Variants in LRRC7 observed in about 807,000 individuals in gnomAD.
LRRC7 encodes leucine-rich repeat-containing protein 7.
LRRC7 carries 23 observed loss-of-function variants against 175.7 expected under a neutral mutation model. The ratio of observed to expected loss-of-function variants is 0.13; its 90% CI spans 0.09 to 0.19. The LOEUF is 0.19. LRRC7 is among the 10% of genes least tolerant of loss of function. The probability of loss-of-function intolerance (pLI) is 1.00; values close to 1 mark genes in which losing one functional copy is unlikely to be tolerated. For missense variants in LRRC7, 1,354 were observed against 1,904.7 expected, an observed-to-expected ratio of 0.71 and a Z score of 5.38; for synonymous variants, 685 against 680.9, an observed-to-expected ratio of 1.01 and a Z score of -0.09.
At position 69,895,793 on chromosome 1, in the gene LRRC7, T is replaced by C. The variant is rs554863174; in HGVS notation, c.648-35714T>C. On this transcript the variant is annotated intron_variant, in intron 7 of 26. Coordinates refer to ENST00000651989, the MANE Select transcript of LRRC7 (RefSeq NM_001370785.2). ...GTTTTTATTGATGAATAATATTCCATTGTAGAAATATTCCATGGCTGTTTA... is the reference window on the plus strand; with the variant it reads ...GTTTTTATTGATGAATAATATTCCACTGTAGAAATATTCCATGGCTGTTTA... Among the ~76,000 whole-genome samples, 14 of 152,370 alleles carry C rather than the reference T, an allele frequency of 9.2e-5. No homozygotes were observed. The East Asian group carries it at 2.7e-3, about 29-fold the overall frequency.
intron 8 of LRRC7, among the ~76,000 whole-genome samples, chr1:69,960,135 CTATT>C (rs1047944719): frequency 6.6e-6 from 1 of 151,854 alleles, no homozygotes; most frequent in African/African-American, 2.4e-5. Flanking sequence ...GGGTTGGAGG[CTATT>C]TATTACTGTC....
At chr1:69,848,312 G>A (rs1682597820) in intron 7 of LRRC7, among the ~76,000 whole-genome samples, 1 of 152,018 alleles carries the variant, frequency 6.6e-6, no homozygotes, top group African/African-American at 2.4e-5. Context: ...GCTGAGCAGT[G>A]TGCTTTCCCT....
intron 8 of LRRC7, among the ~76,000 whole-genome samples, chr1:69,968,735 G>T (rs1441317596): frequency 3.9e-5 from 6 of 152,138 alleles, no homozygotes; most frequent in Admixed American, 6.5e-5. Flanking sequence ...AATGCTGAGA[G>T]AATTCACCAC....
At chr1:70,090,093 T>G (rs1026333438) in intron 25 of LRRC7, among the ~76,000 whole-genome samples, 1 of 152,122 alleles carries the variant, frequency 6.6e-6, no homozygotes, top group African/African-American at 2.4e-5. Flanking sequence ...TTTGTTTTTG[T>G]TTTTGCTCCA....
At position 70,135,510 on chromosome 1, in the gene LRRC7, G is replaced by C. The variant is rs1326893684; in HGVS notation, c.*13623G>C. On this transcript the variant is annotated 3_prime_UTR_variant, in exon 27 of 27. Transcript: ENST00000651989. ...GGAAGAGAAGAGAGCAGGAGAAGCT[G>C]TCACTTAAAATGCACTGAGATCCTT... Among the ~76,000 whole-genome samples, 2 of 152,148 alleles carry C rather than the reference G, an allele frequency of 1.3e-5. No homozygotes were observed. Among genetic ancestry groups the C allele is most frequent in the Non-Finnish European group, 2.9e-5 (2 of 68,024 alleles).
At chr1:70,011,715 G>A in intron 11 of LRRC7, 82 bp from the exon 12 acceptor site, 2 of 930,460 alleles carry the variant, frequency 2.1e-6, no homozygotes, top group South Asian at 3.0e-5. Context: ...TTTTGTTTTG[G>A]TGAATTTTGG....
chr1:69,838,616 T>C (rs944940785), intron 7 of LRRC7, among the ~76,000 whole-genome samples: 1 of 151,940 alleles, frequency 6.6e-6, no homozygotes, highest in African/African-American at 2.4e-5. Flanking sequence ...TTCAACCTAA[T>C]AGGATGCTTA....
chr1:69,744,838 A>AC (rs1669085883), intron 2 of LRRC7, among the ~76,000 whole-genome samples: 3 of 151,876 alleles, frequency 2.0e-5, no homozygotes, highest in Non-Finnish European at 4.4e-5. Context: ...TCATGCTATT[A>AC]TAAAAATACA....
At chr1:69,574,805 A>T (rs1175562282) in intron 1 of LRRC7, among the ~76,000 whole-genome samples, 1 of 152,126 alleles carries the variant, frequency 6.6e-6, no homozygotes, top group Non-Finnish European at 1.5e-5. Context: ...AATAGTTACT[A>T]TCCGGTGTTC....
chr1:69,888,607 G>A (rs531411915), intron 7 of LRRC7, among the ~76,000 whole-genome samples: 64 of 152,278 alleles, frequency 4.2e-4, no homozygotes, highest in African/African-American at 1.4e-3. Context: ...GCTGTATACC[G>A]GAGCTGTTCC....
intron 1 of LRRC7, among the ~76,000 whole-genome samples, chr1:69,638,862 T>A (rs976483476): frequency 6.6e-6 from 1 of 151,738 alleles, no homozygotes; most frequent in Non-Finnish European, 1.5e-5. Context: ...TATGGTGTAT[T>A]GTCTTGTTAT....
At chr1:69,781,565 C>G (rs1431065220) in intron 3 of LRRC7, among the ~76,000 whole-genome samples, 1 of 150,498 alleles carries the variant, frequency 6.6e-6, no homozygotes, top group Non-Finnish European at 1.5e-5. Context: ...AACTGTAATC[C>G]CAGCTACTTG....
At chr1:69,768,396 C>T (rs1218919465) in intron 3 of LRRC7, among the ~76,000 whole-genome samples, 1 of 152,146 alleles carries the variant, frequency 6.6e-6, no homozygotes, top group Non-Finnish European at 1.5e-5. Context: ...GCTCAAACAT[C>T]ACTGGAGAAG....
At chr1:69,722,590 T>C (rs1666482265) in intron 2 of LRRC7, among the ~76,000 whole-genome samples, 1 of 152,198 alleles carries the variant, frequency 6.6e-6, no homozygotes, top group Middle Eastern at 3.4e-3. Context: ...CAGGATTATA[T>C]ATTTAATATC....
In LRRC7 at chr1:70,125,368, T is replaced by A. The variant is rs928700343; in HGVS notation, c.*3481T>A. ...TTACCTTGGATCACGACCTTTGAGATGGAAAACAGCTTTGAGGAGAGACTG... is the reference window on the plus strand; with the variant it reads ...TTACCTTGGATCACGACCTTTGAGAAGGAAAACAGCTTTGAGGAGAGACTG... On this transcript the variant is annotated 3_prime_UTR_variant, in exon 27 of 27. Transcript: ENST00000651989. 6.6e-5 allele frequency among the ~76,000 whole-genome samples: 10 copies of A among 152,218 alleles called. No individual in the cohort carries two copies. Among genetic ancestry groups the A allele is most frequent in the Non-Finnish European group, 1.3e-4 (9 of 68,012 alleles).
intron 25 of LRRC7, among the ~76,000 whole-genome samples, chr1:70,091,514 G>C (rs1192969982): frequency 6.6e-6 from 1 of 151,992 alleles, no homozygotes; most frequent in Non-Finnish European, 1.5e-5. Flanking sequence ...TTTTTGGAAG[G>C]TACAGGGTAA....
At chr1:69,953,515 T>C (rs1411977040) in intron 8 of LRRC7, among the ~76,000 whole-genome samples, 1 of 151,976 alleles carries the variant, frequency 6.6e-6, no homozygotes, top group Non-Finnish European at 1.5e-5. Context: ...CCTCTACTGT[T>C]TGGTGAATAG....
chr1:69,840,248 T>G (rs1681577583), intron 7 of LRRC7, among the ~76,000 whole-genome samples: 1 of 152,026 alleles, frequency 6.6e-6, no homozygotes, highest in Non-Finnish European at 1.5e-5. Flanking sequence ...AAAGAAATTC[T>G]TCTTTGAATA....
rs1388025557 is a variant in LRRC7, at chr1:69,781,941, AG to A, written c.304-10101del. On this transcript the variant is annotated intron_variant, in intron 3 of 26. Transcript: ENST00000651989. ...GAAAGAAAGAAAGAAAGAAAGAAAGAGAAAAGAAAAGAAAGAAAGAAAGAAA... is the reference window on the plus strand; with the variant it reads ...GAAAGAAAGAAAGAAAGAAAGAAAGAAAAAGAAAAGAAAGAAAGAAAGAAA... Among the ~76,000 whole-genome samples, 16 of 134,104 alleles carry A rather than the reference AG, an allele frequency of 1.2e-4. No homozygotes were observed. The East Asian group carries it at 1.4e-3, about 12-fold the overall frequency. 88.0% of individuals were successfully genotyped at this position (134,104 alleles called of 152,430 possible).
Sources: allele counts gnomAD v4.1 joint callset (sites outside exome capture counted in the v4.1 genomes callset), GRCh38; gene constraint gnomAD v4.1.1; transcripts MANE v1.5; gene names NCBI Gene and HGNC (gene_info 2026-07-23, HGNC 2026-07-21).